PCMT1: variants seen among roughly 807,000 people sequenced by gnomAD.
PCMT1 encodes protein-L-isoaspartate(D-aspartate) O-methyltransferase.
Under a neutral mutation model 29.2 loss-of-function variants are expected in PCMT1, and 9 were observed. The ratio of observed to expected loss-of-function variants is 0.31; its 90% CI spans 0.19 to 0.54. The LOEUF is 0.54. Ranked by LOEUF, PCMT1 falls within the 20% of genes least tolerant of loss-of-function variation. PCMT1 has a pLI of 0.95. For synonymous variants in PCMT1, 98 were observed against 97.5 expected, an observed-to-expected ratio of 1.00 and a Z score of -0.03; for missense variants, 184 against 282.2, an observed-to-expected ratio of 0.65 and a Z score of 2.49.
intron 3 of PCMT1, among the ~76,000 whole-genome samples, chr6:149,784,826 C>A (rs1787955687): frequency 6.6e-6 from 1 of 152,184 alleles, no homozygotes; most frequent in Non-Finnish European, 1.5e-5. Context: ...ATTATTTCAT[C>A]CCTGGATACT....
At chr6:149,769,870 T>C (rs1444454810) in intron 1 of PCMT1, among the ~76,000 whole-genome samples, 1 of 151,528 alleles carries the variant, frequency 6.6e-6, no homozygotes, top group Non-Finnish European at 1.5e-5. Context: ...GCTTTGAGAT[T>C]ATAGGCATGG....
intron 1 of PCMT1, among the ~76,000 whole-genome samples, chr6:149,764,293 A>G (rs182537526): frequency 5.3e-5 from 8 of 152,324 alleles, no homozygotes; most frequent in Non-Finnish European, 1.2e-4. Context: ...TAGTCTTTCT[A>G]ACCTCAATGT....
At chr6:149,758,462 G>A (rs934239590) in intron 1 of PCMT1, among the ~76,000 whole-genome samples, 7 of 151,592 alleles carry the variant, frequency 4.6e-5, no homozygotes, top group African/African-American at 1.2e-4. Flanking sequence ...TGCCCACCTC[G>A]GCCTCCCAAA....
intron 6 of PCMT1, 39 bp from the exon 7 acceptor site, chr6:149,802,161 T>C (rs369371197): frequency 7.4e-7 from 1 of 1,346,002 alleles, no homozygotes; most frequent in Non-Finnish European, 1.0e-6. Flanking sequence ...ATAAAATCTG[T>C]AACTTGGTGA....
Position 149,802,335 on chromosome 6 carries a change from G to C in PCMT1, c.640G>C (p.Val214Leu). The part of the protein sequence containing the change: ...KMKPLMGVIY[V>L]PLTDKEKQWS... ...GAAGCCTCTGATGGGGGTGATATAC[G>C]TGCCTTTAACAGATAAAGAAAAGCA... Residue 214 changes from valine to leucine, a missense_variant, in exon 7 of 8, where the codon GTG becomes CTG. Transcript: ENST00000464889. The C allele has an allele frequency of 6.2e-7, 1 of 1,613,532 alleles. No individual in the cohort carries two copies. Among genetic ancestry groups the C allele is most frequent in the Non-Finnish European group, 8.5e-7 (1 of 1,179,678 alleles).
intron 1 of PCMT1, among the ~76,000 whole-genome samples, chr6:149,761,412 G>A (rs1049366837): frequency 8.6e-5 from 13 of 151,990 alleles, no homozygotes; most frequent in East Asian, 1.9e-4. Flanking sequence ...AACATTCTTC[G>A]CCATTCCCAG....
intron 3 of PCMT1, among the ~76,000 whole-genome samples, chr6:149,781,190 G>GTTT (rs1267846983): frequency 5.9e-5 from 3 of 50,992 alleles, no homozygotes; most frequent in African/African-American, 1.2e-4. Flanking sequence ...CCCCTTTCTT[G>GTTT]TTTTTTTTTT....
At chr6:149,806,379 A>G (rs1776015441) in intron 7 of PCMT1, among the ~76,000 whole-genome samples, 1 of 152,216 alleles carries the variant, frequency 6.6e-6, no homozygotes, top group Non-Finnish European at 1.5e-5. Flanking sequence ...AAGTCGAGTC[A>G]GAAACAGGAA....
chr6:149,796,825 G>T (rs2342859), intron 6 of PCMT1: 87,377 of 175,230 alleles, frequency 0.5, 25,142 homozygotes, highest in East Asian at 0.8. Context: ...TTTGTTTTTT[G>T]TTTTTGAGGT....
chr6:149,800,343 C>A (rs958137243), intron 6 of PCMT1, among the ~76,000 whole-genome samples: 1 of 151,912 alleles, frequency 6.6e-6, no homozygotes, highest in Non-Finnish European at 1.5e-5. Context: ...GTGGTGGGCA[C>A]CTGTAATCCC....
intron 6 of PCMT1, among the ~76,000 whole-genome samples, chr6:149,801,344 G>A (rs1042365998): frequency 6.6e-6 from 1 of 152,168 alleles, no homozygotes; most frequent in African/African-American, 2.4e-5. Flanking sequence ...CATGAGGTCA[G>A]GTGTGAAATT....
chr6:149,756,609 C>T (rs190708434), intron 1 of PCMT1, among the ~76,000 whole-genome samples: 9 of 148,934 alleles, frequency 6.0e-5, no homozygotes, highest in Admixed American at 5.4e-4. Context: ...AAGTGATCCA[C>T]CCGCCTCAGT....
intron 1 of PCMT1, among the ~76,000 whole-genome samples, chr6:149,753,016 G>C (rs1243591827): frequency 6.6e-6 from 1 of 152,096 alleles, no homozygotes; most frequent in Non-Finnish European, 1.5e-5. Flanking sequence ...ATTGGTAAGA[G>C]GAAATTAGAG....
intron 1 of PCMT1, among the ~76,000 whole-genome samples, chr6:149,759,167 G>T (rs1277052655): frequency 6.6e-6 from 1 of 152,124 alleles, no homozygotes; most frequent in African/African-American, 2.4e-5. Flanking sequence ...GAGCCACCGC[G>T]CCCGGCCATG....
At chr6:149,806,437 T>G (rs1223817671) in intron 7 of PCMT1, among the ~76,000 whole-genome samples, 1 of 152,168 alleles carries the variant, frequency 6.6e-6, no homozygotes, top group African/African-American at 2.4e-5. Context: ...ATTAAGGCAG[T>G]GTTAGTAAGG....
At chr6:149,808,001 G>C (rs1192375825) in intron 7 of PCMT1, among the ~76,000 whole-genome samples, 1 of 152,100 alleles carries the variant, frequency 6.6e-6, no homozygotes, top group Non-Finnish European at 1.5e-5. Flanking sequence ...GTCTCTCATA[G>C]TGCTTCGTAC....
intron 3 of PCMT1, among the ~76,000 whole-genome samples, chr6:149,787,575 CTGGTCTTGAA>C (rs1401877361): frequency 6.6e-6 from 1 of 152,006 alleles, no homozygotes; most frequent in African/African-American, 2.4e-5. Flanking sequence ...GTTGGGCAGG[CTGGTCTTGAA>C]CTCCTGACCT....
At chr6:149,787,123 C>G (rs544348929) in intron 3 of PCMT1, among the ~76,000 whole-genome samples, 1 of 145,048 alleles carries the variant, frequency 6.9e-6, no homozygotes, top group African/African-American at 2.7e-5. Context: ...CAAAAAAATA[C>G]GAAAACCAGT....
chr6:149,770,934 G>A (rs1391855575), intron 1 of PCMT1, among the ~76,000 whole-genome samples: 1 of 151,826 alleles, frequency 6.6e-6, no homozygotes, highest in Non-Finnish European at 1.5e-5. Flanking sequence ...AGGAGGCAGA[G>A]CTTGCAGTGA....
Sources: gnomAD v4.1 joint callset for allele counts (sites outside exome capture counted in the v4.1 genomes callset) on GRCh38, gnomAD v4.1.1 for gene constraint, MANE v1.5 for transcripts, NCBI Gene and HGNC (gene_info 2026-07-23, HGNC 2026-07-21) for gene names.